Variants in KRT19 observed in about 807,000 individuals in gnomAD.
KRT19 encodes the protein keratin 19.
A neutral mutation model predicts 34.6 loss-of-function variants in KRT19; 21 were observed. The ratio of observed to expected loss-of-function variants is 0.61; its 90% CI spans 0.43 to 0.87. The LOEUF (loss-of-function observed/expected upper bound fraction) is 0.87. Among genes scored for constraint, KRT19 ranks in the 40% least tolerant of loss-of-function variants. The probability of loss-of-function intolerance (pLI) is 0.00; values close to 1 mark genes in which losing one functional copy is unlikely to be tolerated. For missense variants in KRT19, 514 were observed against 545.7 expected (o/e 0.94, Z 0.58); for synonymous variants, 240 against 245.8 (o/e 0.98, Z 0.22).
In KRT19 at chr17:41,523,663, G is replaced by A. The variant is rs1905746053; in HGVS notation, c.*80C>T. On this transcript the variant is annotated 3_prime_UTR_variant, in exon 6 of 6. Coordinates refer to ENST00000361566, the MANE Select transcript of KRT19 (RefSeq NM_002276.5). ...ATTGGCAGGTCAGGAGAAGAGCCGGGGGTAAGGGTCCCTTCCTTCCCATCC... is the reference window on the plus strand; with the variant it reads ...ATTGGCAGGTCAGGAGAAGAGCCGGAGGTAAGGGTCCCTTCCTTCCCATCC... 2 of 1,427,874 alleles carry A rather than the reference G, an allele frequency of 1.4e-6. No homozygotes were observed. The highest frequency in any genetic ancestry group is 1.9e-6 in the Non-Finnish European group (2 of 1,034,166). 88.5% of individuals were successfully genotyped at this position (1,427,874 alleles called of 1,614,324 possible).
chr17:41,523,714 G>A lies in KRT19; in HGVS notation c.*29C>T. On this transcript the variant is annotated 3_prime_UTR_variant, in exon 6 of 6. Transcript: ENST00000361566. ...CTCTACCCAGAAGACACCCTCCAAAGGACAGCAGAAGCCCCAGAGCCTGCT... is the reference window on the plus strand; with the variant it reads ...CTCTACCCAGAAGACACCCTCCAAAAGACAGCAGAAGCCCCAGAGCCTGCT... 1 of 1,610,556 alleles carries A rather than the reference G, an allele frequency of 6.2e-7. No individual in the cohort carries two copies. Among genetic ancestry groups the A allele is most frequent in the Non-Finnish European group, 8.5e-7 (1 of 1,177,318 alleles).
At chr17:41,525,981 G>A (rs534050985) in intron 1 of KRT19, among the ~76,000 whole-genome samples, 118 of 152,120 alleles carry the variant, frequency 7.8e-4, no homozygotes, top group Middle Eastern at 3.4e-3. Flanking sequence ...TGTTTTTTGG[G>A]GTTTTTTTGA....
In KRT19 at chr17:41,524,280, GGAA is replaced by G; in HGVS notation, c.823-15_823-13del. On this transcript the variant is annotated splice_polypyrimidine_tract_variant and intron_variant, in intron 4 of 5. Transcript: ENST00000361566. ...TTCAATTCTTCAGTCTGCAGAGAGA[GGAA>G]GAAGAGGGAATAAGCATTGAGTCAG... 1.2e-6 allele frequency: 2 copies of G among 1,613,154 alleles called. No homozygotes were observed. Among genetic ancestry groups the G allele is most frequent in the Non-Finnish European group, 1.7e-6 (2 of 1,179,338 alleles).
chr17:41,526,230 T>G (rs1391259693), intron 1 of KRT19, among the ~76,000 whole-genome samples: 1 of 152,178 alleles, frequency 6.6e-6, no homozygotes, highest in Non-Finnish European at 1.5e-5. Context: ...CGCCTCCGCC[T>G]CCCAAAGTGC....
At chr17:41,525,537 T>TGA (rs1394963441) in intron 1 of KRT19, 5 of 489,074 alleles carry the variant, frequency 1.0e-5, no homozygotes, top group African/African-American at 9.7e-5. Context: ...AGGAAATCTC[T>TGA]GAGACCTGTG....
chr17:41,523,740 G>C lies in KRT19; in HGVS notation c.*3C>G, dbSNP rs375737514. The C allele has an allele frequency of 4.0e-4, 650 of 1,613,304 alleles. No homozygotes were observed. Among genetic ancestry groups the C allele is most frequent in the Non-Finnish European group, 4.2e-4 (498 of 1,179,452 alleles). On this transcript the variant is annotated 3_prime_UTR_variant, in exon 6 of 6. Transcript: ENST00000361566. ...GACAGCAGAAGCCCCAGAGCCTGCT[G>C]CCTCAGAGGACCTTGGAGGCAGACA...
chr17:41,524,015 G>C lies in KRT19; in HGVS notation c.949-18C>G, dbSNP rs2144533380. On this transcript the variant is annotated intron_variant, in intron 5 of 5. Transcript: ENST00000361566. ...GCAGCTTTCTGAGGATAGGGAGAGG[G>C]GGTTGTGACTCAGCAGAGCCTGGTT... 2 of 1,606,302 alleles carry C rather than the reference G, an allele frequency of 1.2e-6. No homozygotes were observed. Among genetic ancestry groups the C allele is most frequent in the Non-Finnish European group, 1.7e-6 (2 of 1,173,982 alleles).
intron 1 of KRT19, among the ~76,000 whole-genome samples, chr17:41,526,855 G>A (rs940904720): frequency 2.6e-5 from 4 of 152,194 alleles, no homozygotes; most frequent in Non-Finnish European, 5.9e-5. Context: ...TTACAGGCGT[G>A]AGCCACAGTG....
chr17:41,524,467 A>G lies in KRT19; in HGVS notation c.734T>C (p.Leu245Pro). The change falls in exon 4 of 6, where the codon CTC becomes CCC. Residue 245 changes from leucine (L) to proline (P), a missense_variant. By Grantham distance (98) the Leu-to-Pro change is moderately conservative. Coordinates refer to ENST00000361566, the MANE Select transcript of KRT19 (RefSeq NM_002276.5). The stretch of plus-strand genomic sequence containing the variant: ...TCGCATGTCACTCAGGATCTTGGCG[A>G]GATCGGTGCCCGGAGCGGAATCCAC... ...VEVDSAPGTDLAKILSDMRSQ... is the reference protein window; with the variant it reads ...VEVDSAPGTDPAKILSDMRSQ... 1 of 1,614,174 alleles carries G rather than the reference A, an allele frequency of 6.2e-7. No homozygotes were observed. Among genetic ancestry groups the G allele is most frequent in the South Asian group, 1.1e-5 (1 of 91,082 alleles).
intron 1 of KRT19, among the ~76,000 whole-genome samples, chr17:41,527,379 G>C (rs1337847484): frequency 6.6e-6 from 1 of 152,246 alleles, no homozygotes; most frequent in African/African-American, 2.4e-5. Flanking sequence ...GAGGCCCTAC[G>C]CTGCGGTGGC....
Position 41,524,380 on chromosome 17 carries a change from C to T in KRT19, c.821G>A (p.Arg274Gln), listed in dbSNP as rs547328988. 2.3e-5 allele frequency: 37 copies of T among 1,614,142 alleles called. No homozygotes were observed. Among genetic ancestry groups the T allele is most frequent in the East Asian group, 2.0e-4 (9 of 44,876 alleles). Residue 274 changes from arginine (R) to glutamine (Q), a missense_variant and splice_region_variant, in exon 4 of 6, where the codon CGG (arginine) becomes CAG (glutamine). Physicochemically the swap from Arg to Gln is conservative, Grantham distance 43. Coordinates refer to ENST00000361566, the MANE Select transcript of KRT19 (RefSeq NM_002276.5). ...GGGTGCCTGCTTCCCTCTACCTACC[C>T]GGCTGGTGAACCAGGCTTCAGCATC... ...RKDAEAWFTSRTEELNREVAG... is the reference protein window; with the variant it reads ...RKDAEAWFTSQTEELNREVAG...
rs766262038 is a variant in KRT19, at chr17:41,528,128, G to A, written c.120C>T (p.Ser40=). 3 of 1,605,248 alleles carry A rather than the reference G, an allele frequency of 1.9e-6. No homozygotes were observed. Among genetic ancestry groups the A allele is most frequent in the African/African-American group, 1.3e-5 (1 of 74,788 alleles). The change falls in exon 1 of 6, where the codon TCC becomes TCT. Residue 40 remains serine, a synonymous_variant. Coordinates refer to ENST00000361566, the MANE Select transcript of KRT19 (RefSeq NM_002276.5). The stretch of plus-strand genomic sequence containing the variant: ...AGGACACGGATACGCCGCGGCCGCC[G>A]GAGCCCCCGTGAATGCTGGGCGCGC... ...AFRAPSIHGG[S]GGRGVSVSSA...
At chr17:41,527,599 T>TA (rs1905911388) in intron 1 of KRT19, among the ~76,000 whole-genome samples, 2 of 152,128 alleles carry the variant, frequency 1.3e-5, no homozygotes, top group Non-Finnish European at 2.9e-5. Flanking sequence ...CCCACCCACT[T>TA]ATCTGCCCTG....
rs759325975 is a variant in KRT19 at position 41,524,792 on chromosome 17, A to G, written c.660+51T>C. On this transcript the variant is annotated intron_variant, in intron 3 of 5. Transcript: ENST00000361566. ...GAGAATACAGAATAAAAGAGTCTTC[A>G]GCCCTGGGAGGTTAGGGAAGGATGG... 1.4e-5 allele frequency: 22 copies of G among 1,597,102 alleles called. No homozygotes were observed. The Admixed American group carries it at 3.3e-4, about 24-fold the overall frequency.
Position 41,524,373 on chromosome 17 carries a change from A to T in KRT19, c.822+6T>A. 1 of 1,613,904 alleles carries T rather than the reference A, an allele frequency of 6.2e-7. No individual in the cohort carries two copies. Among genetic ancestry groups the T allele is most frequent in the Non-Finnish European group, 8.5e-7 (1 of 1,179,924 alleles). The stretch of plus-strand genomic sequence containing the variant: ...CCCCAAAGGGTGCCTGCTTCCCTCT[A>T]CCTACCCGGCTGGTGAACCAGGCTT... On this transcript the variant is annotated splice_donor_region_variant and intron_variant, in intron 4 of 5. Transcript: ENST00000361566.
chr17:41,528,142 T>A lies in KRT19; in HGVS notation c.106A>T (p.Ile36Phe), dbSNP rs1905939609. ...GPGVAFRAPS[I>F]HGGSGGRGVS... Reference sequence around the variant, plus strand: ...CCGCGGCCGCCGGAGCCCCCGTGAATGCTGGGCGCGCGAAAGGCGACCCCC... The same window carrying A: ...CCGCGGCCGCCGGAGCCCCCGTGAAAGCTGGGCGCGCGAAAGGCGACCCCC... Residue 36 changes from isoleucine (I) to phenylalanine (F), a missense_variant, in exon 1 of 6, where the codon ATT becomes TTT. Physicochemically the swap from Ile to Phe is conservative, Grantham distance 21. Coordinates refer to ENST00000361566, the MANE Select transcript of KRT19 (RefSeq NM_002276.5). 6.2e-7 allele frequency: 1 copy of A among 1,602,394 alleles called. No individual in the cohort carries two copies. The highest frequency in any genetic ancestry group is 8.5e-7 in the Non-Finnish European group (1 of 1,177,186).
intron 5 of KRT19, 29 bp from the exon 6 acceptor site, chr17:41,524,026 C>T: frequency 2.5e-6 from 4 of 1,603,572 alleles, no homozygotes; most frequent in Non-Finnish European, 3.4e-6. Context: ...GGTTGTGACT[C>T]AGCAGAGCCT....
rs373024107 is a variant in KRT19 at position 41,524,310 on chromosome 17, C to G, written c.823-42G>C. 1.3e-5 allele frequency: 21 copies of G among 1,611,636 alleles called. No individual in the cohort carries two copies. In the South Asian group the frequency reaches 1.9e-4, roughly 14 times the overall value. On this transcript the variant is annotated intron_variant, in intron 4 of 5. Coordinates refer to ENST00000361566, the MANE Select transcript of KRT19 (RefSeq NM_002276.5). ...AAGAGGGAATAAGCATTGAGTCAGA[C>G]CTTCGCGTAGGGAACACAAAGCCCT...
At position 41,524,515 on chromosome 17, in the gene KRT19, ACTTGGCCC is replaced by A; in HGVS notation, c.678_685del (p.Arg226SerfsTer23). On this transcript the variant is annotated frameshift_variant, in exon 4 of 6. Transcript: ENST00000361566. LOFTEE classifies it high-confidence loss of function. Reference sequence around the variant, plus strand: ...CACCTCCACACTGACCTGGCCTCCCACTTGGCCCCTCAGCGTACTGATTTCCTGTAAAG... The same window carrying A: ...CACCTCCACACTGACCTGGCCTCCCACTCAGCGTACTGATTTCCTGTAAAG... The A allele has an allele frequency of 6.2e-7, 1 of 1,614,068 alleles. No homozygotes were observed.
Sources: allele counts gnomAD v4.1 joint callset (sites outside exome capture counted in the v4.1 genomes callset), GRCh38; gene constraint gnomAD v4.1.1; transcripts MANE v1.5; gene names NCBI Gene and HGNC (gene_info 2026-07-23, HGNC 2026-07-21).